The following L3MBTL4 variants were observed in gnomAD, a reference collection of about 807,000 sequenced individuals.
The protein encoded by L3MBTL4 is lethal(3)malignant brain tumor-like protein 4.
L3MBTL4 carries 70 observed loss-of-function variants against 84.5 expected under a neutral mutation model. The ratio of observed to expected loss-of-function variants is 0.83; its 90% CI spans 0.68 to 1.01. The LOEUF is 1.01. Among genes scored for constraint, L3MBTL4 ranks in the 50% least tolerant of loss-of-function variants. L3MBTL4 has a pLI of 0.00. For missense variants in L3MBTL4, 715 were observed against 754.8 expected (o/e 0.95, Z 0.62); for synonymous variants, 274 against 259.8 (o/e 1.05, Z -0.52).
intron 4 of L3MBTL4, among the ~76,000 whole-genome samples, chr18:6,301,526 C>T (rs1161744797): frequency 6.6e-6 from 1 of 152,222 alleles, no homozygotes; most frequent in South Asian, 2.1e-4. Context: ...TACAACATGA[C>T]TTCAATACAA....
intron 1 of L3MBTL4, among the ~76,000 whole-genome samples, chr18:6,376,738 A>C (rs1370672371): frequency 1.3e-5 from 2 of 152,170 alleles, no homozygotes; most frequent in African/African-American, 4.8e-5. Flanking sequence ...ACCTTGTCTC[A>C]AAAAACAAAC....
intron 1 of L3MBTL4, among the ~76,000 whole-genome samples, chr18:6,394,101 G>A (rs972943805): frequency 1.1e-4 from 16 of 151,918 alleles, no homozygotes; most frequent in Non-Finnish European, 2.1e-4. Context: ...ACAACAATCT[G>A]CCCCCAGCCC....
chr18:5,978,355 A>AT (rs1392789153), intron 16 of L3MBTL4, among the ~76,000 whole-genome samples: 8 of 152,126 alleles, frequency 5.3e-5, no homozygotes, highest in Admixed American at 1.3e-4. Flanking sequence ...CATGCAGCTT[A>AT]TTTTTTGATG....
At chr18:6,245,614 A>C (rs1959194094) in intron 5 of L3MBTL4, among the ~76,000 whole-genome samples, 1 of 148,252 alleles carries the variant, frequency 6.7e-6, no homozygotes, top group Non-Finnish European at 1.5e-5. Context: ...TTCTGAGACA[A>C]GGTCTCACTC....
At chr18:6,390,706 G>A (rs561492387) in intron 1 of L3MBTL4, among the ~76,000 whole-genome samples, 2 of 152,190 alleles carry the variant, frequency 1.3e-5, no homozygotes, top group African/African-American at 4.8e-5. Flanking sequence ...ACACCTCTAT[G>A]CACACAAACT....
chr18:6,074,076 G>GT (rs200600301), intron 16 of L3MBTL4, among the ~76,000 whole-genome samples: 4,444 of 151,930 alleles, frequency 0.029, 135 homozygotes, highest in Middle Eastern at 0.078. Context: ...TGTTTGTTTT[G>GT]TTTTTTTGTT....
chr18:6,374,319 G>T (rs773406328), intron 1 of L3MBTL4: 3 of 154,382 alleles, frequency 1.9e-5, no homozygotes, highest in Non-Finnish European at 4.4e-5. Context: ...GATTACATGG[G>T]TTAACACCGG....
chr18:5,961,987 T>G (rs887162399), intron 17 of L3MBTL4, among the ~76,000 whole-genome samples: 1 of 152,196 alleles, frequency 6.6e-6, no homozygotes. Context: ...ACAACTGTGC[T>G]GGCTATATAT....
intron 4 of L3MBTL4, among the ~76,000 whole-genome samples, chr18:6,276,054 T>C (rs2049065198): frequency 6.6e-6 from 1 of 152,220 alleles, no homozygotes. Flanking sequence ...CTCACTGAGA[T>C]AAATGTGTAT....
rs375779874 is a variant in L3MBTL4, at chr18:6,149,205, C to A, written c.1097-10909G>T. Among the ~76,000 whole-genome samples, 112 of 120,838 alleles carry A rather than the reference C, an allele frequency of 9.3e-4. No homozygotes were observed. In the South Asian group the frequency reaches 0.017, roughly 19 times the overall value. The allele number at this position is 120,838 out of a possible 152,430, so 79.3% of individuals were successfully genotyped here. On this transcript the variant is annotated intron_variant, in intron 13 of 18. Transcript: ENST00000317931. ...CAATGCTATCCCTCCCCCCTCCCCC[C>A]ACCCCACAACAGTCCCCAGTGTGTG...
intron 13 of L3MBTL4, among the ~76,000 whole-genome samples, chr18:6,165,891 G>A (rs574379037): frequency 2.0e-5 from 3 of 152,230 alleles, no homozygotes; most frequent in Admixed American, 2.0e-4. Context: ...CTGGCAAATT[G>A]GATAAACAGT....
intron 18 of L3MBTL4, among the ~76,000 whole-genome samples, chr18:5,959,436 C>T (rs2095251006): frequency 6.6e-6 from 1 of 152,168 alleles, no homozygotes; most frequent in Admixed American, 6.5e-5. Flanking sequence ...TTAGTATGTG[C>T]ATCATTCTGT....
intron 12 of L3MBTL4, 145 bp from the exon 13 acceptor site, chr18:6,172,087 C>T (rs1181924445): frequency 1.9e-6 from 1 of 517,670 alleles, no homozygotes; most frequent in African/African-American, 2.0e-5. Flanking sequence ...TTAATATGTG[C>T]CATTCTATAG....
At chr18:6,141,777 T>C (rs949625163) in intron 13 of L3MBTL4, among the ~76,000 whole-genome samples, 1 of 152,222 alleles carries the variant, frequency 6.6e-6, no homozygotes, top group African/African-American at 2.4e-5. Flanking sequence ...TCCTAATCTA[T>C]TTTCCATCTT....
chr18:6,249,245 G>A (rs561166958), intron 5 of L3MBTL4, among the ~76,000 whole-genome samples: 1 of 152,238 alleles, frequency 6.6e-6, no homozygotes, highest in South Asian at 2.1e-4. Flanking sequence ...AGACCACAGG[G>A]AGAGAATGTT....
At chr18:6,250,284 A>G (rs996492052) in intron 5 of L3MBTL4, among the ~76,000 whole-genome samples, 1 of 152,212 alleles carries the variant, frequency 6.6e-6, no homozygotes, top group Non-Finnish European at 1.5e-5. Context: ...ATGAGGAAAA[A>G]ACAAAACAAA....
chr18:6,161,082 G>A (rs1287766270), intron 13 of L3MBTL4, among the ~76,000 whole-genome samples: 1 of 152,146 alleles, frequency 6.6e-6, no homozygotes, highest in African/African-American at 2.4e-5. Context: ...GGACATTCCA[G>A]AAACACAAAG....
At chr18:6,122,579 C>T (rs2144344959) in intron 14 of L3MBTL4, among the ~76,000 whole-genome samples, 1 of 152,344 alleles carries the variant, frequency 6.6e-6, no homozygotes, top group South Asian at 2.1e-4. Flanking sequence ...TGCCTTCCAC[C>T]ATGATTGTGA....
chr18:6,311,469 G>T, intron 3 of L3MBTL4, 85 bp downstream of exon 3: 2 of 1,099,114 alleles, frequency 1.8e-6, no homozygotes, highest in Non-Finnish European at 2.8e-6. Context: ...GCCCCTGAGT[G>T]TGGTTATGTG....
Sources: allele counts gnomAD v4.1 joint callset (sites outside exome capture counted in the v4.1 genomes callset), GRCh38; gene constraint gnomAD v4.1.1; transcripts MANE v1.5; gene names NCBI Gene and HGNC (gene_info 2026-07-23, HGNC 2026-07-21).